Variants in TENM2 observed in about 807,000 individuals in gnomAD.
TENM2 encodes teneurin-2.
A neutral mutation model predicts 245.2 loss-of-function variants in TENM2; 52 were observed. That is an observed-to-expected ratio of 0.21 (90% CI 0.17 to 0.27). TENM2 has a LOEUF of 0.27. Ranked by LOEUF, TENM2 falls within the 10% of genes least tolerant of loss-of-function variation. The pLI, the probability that TENM2 is intolerant of heterozygous loss-of-function variation, is 1.00. For missense variants in TENM2, 3,046 were observed against 3,666.8 expected, an observed-to-expected ratio of 0.83 and a Z score of 4.37; for synonymous variants, 1,363 against 1,438.9, an observed-to-expected ratio of 0.95 and a Z score of 1.19.
the TENM2 span, among the ~76,000 whole-genome samples, chr5:167,217,711 G>A: frequency 7.8e-6 from 1 of 128,936 alleles, no homozygotes; most frequent in Non-Finnish European, 1.6e-5. Context: ...TATGTAATGA[G>A]TGATATATAT....
intron 3 of TENM2, among the ~76,000 whole-genome samples, chr5:167,932,776 C>T (rs896750970): frequency 2.6e-5 from 4 of 152,098 alleles, no homozygotes; most frequent in African/African-American, 9.7e-5. Context: ...TTCTTTTTCA[C>T]AATCCTTCAA....
the TENM2 span, among the ~76,000 whole-genome samples, chr5:167,255,315 C>A: frequency 6.6e-6 from 1 of 152,172 alleles, no homozygotes; most frequent in South Asian, 2.1e-4. Context: ...AGGGTAACAT[C>A]TTTTCCTTTC....
intron 2 of TENM2, among the ~76,000 whole-genome samples, chr5:167,378,100 G>C (rs192045736): frequency 6.6e-6 from 1 of 151,952 alleles, no homozygotes; most frequent in Non-Finnish European, 1.5e-5. Flanking sequence ...ATTTTTCACC[G>C]TGTTTACTTA....
chr5:167,653,035 T>C (rs1754583335), intron 2 of TENM2, among the ~76,000 whole-genome samples: 1 of 152,280 alleles, frequency 6.6e-6, no homozygotes, highest in Middle Eastern at 3.4e-3. Context: ...TTGAGTCATC[T>C]CTTTATTTTT....
intron 1 of TENM2, among the ~76,000 whole-genome samples, chr5:167,361,888 C>A (rs557378583): frequency 7.2e-5 from 11 of 152,286 alleles, no homozygotes; most frequent in African/African-American, 2.4e-4. Flanking sequence ...TAGTCTCTGG[C>A]ATTGCTGAAA....
the TENM2 span, among the ~76,000 whole-genome samples, chr5:167,187,528 G>A: frequency 6.6e-6 from 1 of 152,122 alleles, no homozygotes; most frequent in African/African-American, 2.4e-5. Context: ...GTGAGACTTG[G>A]GGTCTGGATG....
the TENM2 span, among the ~76,000 whole-genome samples, chr5:167,253,985 C>T: frequency 9.2e-5 from 14 of 151,924 alleles, no homozygotes; most frequent in South Asian, 2.1e-4. Flanking sequence ...CCTTACCTGC[C>T]AAATCAACTT....
chr5:168,137,969 G>A (rs1581417987), intron 12 of TENM2, among the ~76,000 whole-genome samples: 1 of 152,108 alleles, frequency 6.6e-6, no homozygotes, highest in African/African-American at 2.4e-5. Flanking sequence ...CCAGGATTAA[G>A]CAGTTTAAAA....
At chr5:167,667,470 G>T (rs1755650040) in intron 2 of TENM2, among the ~76,000 whole-genome samples, 1 of 152,138 alleles carries the variant, frequency 6.6e-6, no homozygotes, top group Admixed American at 6.5e-5. Context: ...CGAGTCATCA[G>T]TCCACCCATC....
At chr5:168,175,579 A>C (rs1759285130) in intron 13 of TENM2, among the ~76,000 whole-genome samples, 1 of 152,340 alleles carries the variant, frequency 6.6e-6, no homozygotes, top group African/African-American at 2.4e-5. Flanking sequence ...CCTAGAGGTT[A>C]ACTTGCCCAG....
At chr5:167,446,532 A>C (rs970969104) in intron 2 of TENM2, among the ~76,000 whole-genome samples, 1 of 152,182 alleles carries the variant, frequency 6.6e-6, no homozygotes, top group African/African-American at 2.4e-5. Context: ...CTTGGAACTG[A>C]TCCGTTGCTG....
intron 1 of TENM2, among the ~76,000 whole-genome samples, chr5:167,352,320 T>G (rs1398926057): frequency 6.6e-6 from 1 of 152,216 alleles, no homozygotes; most frequent in Non-Finnish European, 1.5e-5. Context: ...CTGCCTTGAT[T>G]TTGTAAGTCA....
intron 2 of TENM2, among the ~76,000 whole-genome samples, chr5:167,552,919 T>TAATG (rs10657967): frequency 0.61 from 91,955 of 150,564 alleles, 28,232 homozygotes; most frequent in East Asian, 0.71. Context: ...GGTAAGTTAA[T>TAATG]AATGAATGAA....
chr5:167,071,780 G>T, the TENM2 span, among the ~76,000 whole-genome samples: 1 of 151,974 alleles, frequency 6.6e-6, no homozygotes, highest in Admixed American at 6.6e-5. Flanking sequence ...AGGATTTCAG[G>T]GACATTGAAT....
At chr5:168,176,236 C>A (rs1170893027) in intron 13 of TENM2, among the ~76,000 whole-genome samples, 1 of 152,208 alleles carries the variant, frequency 6.6e-6, no homozygotes, top group Non-Finnish European at 1.5e-5. Flanking sequence ...TCAAGCCTTG[C>A]CAGGGCCTCT....
chr5:167,056,099 T>G, the TENM2 span, among the ~76,000 whole-genome samples: 1 of 152,022 alleles, frequency 6.6e-6, no homozygotes, highest in Admixed American at 6.6e-5. Flanking sequence ...CCTATTTTGC[T>G]GAGATTTTTT....
the TENM2 span, among the ~76,000 whole-genome samples, chr5:167,132,719 G>T: frequency 3.9e-5 from 6 of 152,166 alleles, no homozygotes; most frequent in Non-Finnish European, 8.8e-5. Context: ...ATTTTACTCA[G>T]TAAGTTCGGT....
chr5:167,585,372 T>C (rs893633685), intron 2 of TENM2, among the ~76,000 whole-genome samples: 2 of 152,248 alleles, frequency 1.3e-5, no homozygotes, highest in Non-Finnish European at 2.9e-5. Flanking sequence ...ATTTTGAACC[T>C]TGGATATCAG....
intron 2 of TENM2, among the ~76,000 whole-genome samples, chr5:167,687,404 T>C (rs528167469): frequency 3.3e-5 from 5 of 152,292 alleles, no homozygotes; most frequent in African/African-American, 1.2e-4. Context: ...ATTTTCATCA[T>C]CAAGTAGAGA....
Sources: allele counts gnomAD v4.1 joint callset (sites outside exome capture counted in the v4.1 genomes callset), GRCh38; gene constraint gnomAD v4.1.1; transcripts MANE v1.5; gene names NCBI Gene and HGNC (gene_info 2026-07-23, HGNC 2026-07-21).